The following NKAIN1 variants were observed in gnomAD, a reference collection of about 807,000 sequenced individuals.
The protein encoded by NKAIN1 is sodium/potassium-transporting ATPase subunit beta-1-interacting protein 1.
In NKAIN1, 13 loss-of-function variants were observed where a neutral mutation model predicts 31.6. The ratio of observed to expected loss-of-function variants is 0.41; its 90% CI spans 0.27 to 0.65. The LOEUF (loss-of-function observed/expected upper bound fraction) is 0.65, where lower values mean the gene tolerates loss of function less well. Ranked by LOEUF, NKAIN1 falls within the 30% of genes least tolerant of loss-of-function variation. The pLI, the probability that NKAIN1 is intolerant of heterozygous loss-of-function variation, is 0.30. For missense variants in NKAIN1, 193 were observed against 262.2 expected (o/e 0.74, Z 1.82); for synonymous variants, 104 against 109.0 (o/e 0.95, Z 0.28).
chr1:31,219,251 C>T (rs1378458396), intron 1 of NKAIN1, among the ~76,000 whole-genome samples: 1 of 152,266 alleles, frequency 6.6e-6, no homozygotes, highest in Non-Finnish European at 1.5e-5. Context: ...ATGGGAAAGC[C>T]AGCCCCAGCT....
chr1:31,188,723 C>A (rs1416269336), intron 1 of NKAIN1, among the ~76,000 whole-genome samples: 1 of 152,206 alleles, frequency 6.6e-6, no homozygotes, highest in Non-Finnish European at 1.5e-5. Flanking sequence ...CACACTAATG[C>A]TGTGCTTGCC....
chr1:31,183,952 C>G lies in NKAIN1; in HGVS notation c.336G>C (p.Gly112=), dbSNP rs138726675. Residue 112 remains glycine, a synonymous_variant, in exon 4 of 7, where the codon GGG becomes GGC. Coordinates refer to ENST00000373736, the MANE Select transcript of NKAIN1 (RefSeq NM_024522.3). ...GAACAGGTGTCACCAGGCAGCCTGGCCCATTCTCCATCCACCAGGAGCGGT... is the reference window on the plus strand; with the variant it reads ...GAACAGGTGTCACCAGGCAGCCTGGGCCATTCTCCATCCACCAGGAGCGGT... ...SLHRSWWMEN[G]PGCLVTPVLN... The G allele has an allele frequency of 1.8e-5, 29 of 1,613,948 alleles. No individual in the cohort carries two copies. In the African/African-American group the frequency reaches 2.3e-4, roughly 13 times the overall value.
intron 1 of NKAIN1, among the ~76,000 whole-genome samples, chr1:31,238,239 G>A (rs1422519199): frequency 2.0e-5 from 3 of 152,214 alleles, no homozygotes; most frequent in Non-Finnish European, 2.9e-5. Context: ...AGAGAAGCAA[G>A]ACGAATGAGG....
chr1:31,192,531 G>A (rs1214748917), intron 1 of NKAIN1, among the ~76,000 whole-genome samples: 2 of 152,100 alleles, frequency 1.3e-5, no homozygotes, highest in Non-Finnish European at 2.9e-5. Flanking sequence ...CTCTTCCTCC[G>A]ATGGTGAGTG....
At chr1:31,205,223 C>T (rs749907348) in intron 1 of NKAIN1, among the ~76,000 whole-genome samples, 16 of 152,024 alleles carry the variant, frequency 1.1e-4, no homozygotes, top group Non-Finnish European at 2.2e-4. Flanking sequence ...CTCTGTCTCC[C>T]GGGTTCACAC....
intron 6 of NKAIN1, 38 bp from the exon 7 acceptor site, chr1:31,181,750 CA>C: frequency 6.5e-7 from 1 of 1,529,584 alleles, no homozygotes; most frequent in Non-Finnish European, 8.8e-7. Flanking sequence ...GAGTGGATCC[CA>C]AAAGTATGGG....
intron 1 of NKAIN1, among the ~76,000 whole-genome samples, chr1:31,211,031 A>G (rs75239059): frequency 0.021 from 3,171 of 152,346 alleles, 48 homozygotes; most frequent in Non-Finnish European, 0.034. Flanking sequence ...GCATCTACAG[A>G]AAAGCCACAG....
At chr1:31,238,982 TAGAGACACACCAAAGAGAAACCCTG>T (rs1331390959) in intron 1 of NKAIN1, among the ~76,000 whole-genome samples, 2 of 152,100 alleles carry the variant, frequency 1.3e-5, no homozygotes, top group Non-Finnish European at 2.9e-5. Context: ...GTCAGCGATT[TAGAGACACACCAAAGAGAAACCCTG>T]AGAGACACAC....
chr1:31,204,899 G>A (rs1289112508), intron 1 of NKAIN1, among the ~76,000 whole-genome samples: 1 of 152,142 alleles, frequency 6.6e-6, no homozygotes. Flanking sequence ...ATGGGACTGA[G>A]GCTGCTGGAG....
In NKAIN1 at chr1:31,239,674, G is replaced by C. The variant is rs918178903; in HGVS notation, c.-127C>G. The C allele has an allele frequency of 6.9e-4, 211 of 304,782 alleles. No homozygotes were observed. The highest frequency in any genetic ancestry group is 4.6e-3 in the African/African-American group (203 of 44,112). The allele number at this position is 304,782 out of a possible 1,614,324, so 18.9% of individuals were successfully genotyped here. On this transcript the variant is annotated 5_prime_UTR_variant, in exon 1 of 7. Transcript: ENST00000373736. This position sits in a 1 kb window ranked among gnomAD's most constrained non-coding sequence, Gnocchi z 4.8. ...GCCGGGCGGCGGGGCCGGGCGCCTAGGGCCGGGCCCGGGAGTGTCCGGTCC... is the reference window on the plus strand; with the variant it reads ...GCCGGGCGGCGGGGCCGGGCGCCTACGGCCGGGCCCGGGAGTGTCCGGTCC...
intron 1 of NKAIN1, among the ~76,000 whole-genome samples, chr1:31,201,908 C>T (rs1332161359): frequency 6.6e-6 from 1 of 152,222 alleles, no homozygotes. Context: ...TCTTCCTCCT[C>T]CTCGGGACAG....
chr1:31,239,369 A>C lies in NKAIN1; in HGVS notation c.54+125T>G. On this transcript the variant is annotated intron_variant, in intron 1 of 6. Coordinates refer to ENST00000373736, the MANE Select transcript of NKAIN1 (RefSeq NM_024522.3). This position sits in a 1 kb window ranked among gnomAD's most constrained non-coding sequence, Gnocchi z 4.8. The stretch of plus-strand genomic sequence containing the variant: ...CCCGACCGCTCCGAGACTCCAGACC[A>C]CCCCCCGCCCGGGCACACGCACCAG... 1 of 618,002 alleles carries C rather than the reference A, an allele frequency of 1.6e-6. No homozygotes were observed. Among genetic ancestry groups the C allele is most frequent in the Non-Finnish European group, 2.4e-6 (1 of 422,624 alleles). 38.3% of individuals were successfully genotyped at this position (618,002 alleles called of 1,614,324 possible).
intron 1 of NKAIN1, among the ~76,000 whole-genome samples, chr1:31,218,034 T>TTCTTTCTTTC (rs1306428191): frequency 2.1e-5 from 2 of 96,726 alleles, no homozygotes; most frequent in Non-Finnish European, 3.9e-5. Flanking sequence ...CTTTCTTTCT[T>TTCTTTCTTTC]TCTTTCTTTC....
At chr1:31,196,544 G>A (rs954612451) in intron 1 of NKAIN1, among the ~76,000 whole-genome samples, 9 of 139,276 alleles carry the variant, frequency 6.5e-5, no homozygotes, top group Non-Finnish European at 9.3e-5. Context: ...AAAATTAGCC[G>A]GGCATGGTGG....
chr1:31,214,526 T>C (rs1374923084), intron 1 of NKAIN1, among the ~76,000 whole-genome samples: 2 of 151,912 alleles, frequency 1.3e-5, no homozygotes, highest in African/African-American at 4.8e-5. Flanking sequence ...TCAGTGTATG[T>C]GTACATGTGT....
chr1:31,234,284 C>G (rs969232776), intron 1 of NKAIN1, among the ~76,000 whole-genome samples: 1 of 152,196 alleles, frequency 6.6e-6, no homozygotes, highest in East Asian at 1.9e-4. Context: ...CAGACCCTCC[C>G]GAGGAAGCCG....
Position 31,180,800 on chromosome 1 carries a change from G to A in NKAIN1, c.*903C>T, listed in dbSNP as rs1223568594. On this transcript the variant is annotated 3_prime_UTR_variant, in exon 7 of 7. Transcript: ENST00000373736. The stretch of plus-strand genomic sequence containing the variant: ...TGTAGGAAGGCTTCTCTGTGGGTGG[G>A]GCTGAATTTGGGGCTTCATCCATCC... The A allele has an allele frequency of 6.6e-6, 1 of 152,274 alleles. No individual in the cohort carries two copies. The highest frequency in any genetic ancestry group is 2.4e-5 in the African/African-American group (1 of 41,430). The allele number at this position is 152,274 out of a possible 1,614,324, so 9.4% of individuals were successfully genotyped here. A position where few individuals can be genotyped will look rare whatever the true frequency, so the allele number is the denominator to read the frequency against.
At chr1:31,183,470 T>C (rs1327044424) in intron 4 of NKAIN1, among the ~76,000 whole-genome samples, 1 of 137,146 alleles carries the variant, frequency 7.3e-6, no homozygotes, top group Non-Finnish European at 1.5e-5. Context: ...TTTTTTTTTA[T>C]GGAGTTTCGC....
At chr1:31,209,488 C>A (rs975459146) in intron 1 of NKAIN1, among the ~76,000 whole-genome samples, 2 of 151,900 alleles carry the variant, frequency 1.3e-5, no homozygotes, top group Non-Finnish European at 2.9e-5. Context: ...GAGTCTCCTG[C>A]AAAAAGGGAG....
Sources: gnomAD v4.1 joint callset for allele counts (sites outside exome capture counted in the v4.1 genomes callset) on GRCh38, gnomAD v4.1.1 for gene constraint, Gnocchi (gnomAD v3.1) non-coding constraint, MANE v1.5 for transcripts, NCBI Gene and HGNC (gene_info 2026-07-23, HGNC 2026-07-21) for gene names.